The following RALGPS2 variants were observed in gnomAD, a reference collection of about 807,000 sequenced individuals.
The protein encoded by RALGPS2 is ras-specific guanine nucleotide-releasing factor RalGPS2.
RALGPS2 carries 43 observed loss-of-function variants against 86.8 expected under a neutral mutation model. That is an observed-to-expected ratio of 0.50 (90% CI 0.39 to 0.64). The LOEUF (loss-of-function observed/expected upper bound fraction) is 0.64. RALGPS2 is among the 30% of genes least tolerant of loss of function. RALGPS2 has a pLI of 0.00. For missense variants in RALGPS2, 536 were observed against 694.6 expected, an observed-to-expected ratio of 0.77 and a Z score of 2.57; for synonymous variants, 243 against 231.3, an observed-to-expected ratio of 1.05 and a Z score of -0.46.
In RALGPS2 at chr1:178,856,249, T is replaced by G. The variant is rs987073506; in HGVS notation, c.608-21249T>G. ...TATATATATATGGTTTTGGGTTTTG[T>G]TTTTTTTGGAGCCTGTTTCCCAGGC... On this transcript the variant is annotated intron_variant, in intron 8 of 19. Transcript: ENST00000367635. Among the ~76,000 whole-genome samples, 182 of 136,004 alleles carry G rather than the reference T, an allele frequency of 1.3e-3. 5 individuals carry two copies. The highest frequency in any genetic ancestry group is 5.2e-3 in the African/African-American group (166 of 32,018). The allele number at this position is 136,004 out of a possible 152,430, so 89.2% of individuals were successfully genotyped here.
intron 11 of RALGPS2, among the ~76,000 whole-genome samples, 181 bp downstream of exon 11, chr1:178,883,714 G>T (rs1040184168): frequency 6.6e-6 from 1 of 152,058 alleles, no homozygotes; most frequent in Non-Finnish European, 1.5e-5. Flanking sequence ...GGCCGGGCAG[G>T]GTGGCTCACG....
chr1:178,748,422 T>C (rs2102037679), intron 1 of RALGPS2, among the ~76,000 whole-genome samples: 1 of 152,326 alleles, frequency 6.6e-6, no homozygotes, highest in African/African-American at 2.4e-5. Context: ...GCTTTATTTA[T>C]GATAGTCACA....
intron 19 of RALGPS2, among the ~76,000 whole-genome samples, chr1:178,913,707 A>G (rs921556721): frequency 6.6e-6 from 1 of 152,214 alleles, no homozygotes; most frequent in East Asian, 1.9e-4. Context: ...TAAGTTGGGT[A>G]TAGTCAATTG....
chr1:178,785,014 C>A (rs1653579966), intron 3 of RALGPS2, among the ~76,000 whole-genome samples: 1 of 151,976 alleles, frequency 6.6e-6, no homozygotes, highest in Admixed American at 6.6e-5. Flanking sequence ...TTAAACCATT[C>A]CTGCATTCCA....
At chr1:178,813,903 A>T (rs542771378) in intron 6 of RALGPS2, among the ~76,000 whole-genome samples, 1 of 152,316 alleles carries the variant, frequency 6.6e-6, no homozygotes, top group East Asian at 1.9e-4. Context: ...GGGTTCGATT[A>T]AATAACTGAT....
At chr1:178,752,430 G>C (rs1289495188) in intron 1 of RALGPS2, among the ~76,000 whole-genome samples, 2 of 151,774 alleles carry the variant, frequency 1.3e-5, no homozygotes, top group African/African-American at 4.9e-5. Context: ...TCCCAAAGTG[G>C]TGAGATACAG....
intron 1 of RALGPS2, among the ~76,000 whole-genome samples, chr1:178,731,084 A>G (rs1650319230): frequency 6.6e-6 from 1 of 152,016 alleles, no homozygotes; most frequent in Non-Finnish European, 1.5e-5. Context: ...TTTTGGTGAA[A>G]TGCATCCTTT....
intron 8 of RALGPS2, chr1:178,851,256 A>G (rs1308708459): frequency 6.2e-7 from 1 of 1,613,922 alleles, no homozygotes. Flanking sequence ...TACTCCATTT[A>G]GGTTAGAATG....
intron 1 of RALGPS2, among the ~76,000 whole-genome samples, chr1:178,755,215 A>G (rs981403328): frequency 4.0e-5 from 6 of 151,884 alleles, no homozygotes; most frequent in Non-Finnish European, 5.9e-5. Context: ...TTCATGGGGT[A>G]CATGTGTAGT....
Position 178,776,824 on chromosome 1 carries a change from A to G in RALGPS2, c.57+3A>G, listed in dbSNP as rs1653111270. The G allele has an allele frequency of 1.2e-6, 2 of 1,611,230 alleles. No individual in the cohort carries two copies. Among genetic ancestry groups the G allele is most frequent in the Admixed American group, 1.7e-5 (1 of 59,802 alleles). ...ATATTGCAGCTACTGCTTCTGAGGT[A>G]AGATATTTAAGAAGCTTGGGTGTAA... On this transcript the variant is annotated splice_donor_region_variant and intron_variant, in intron 2 of 19. Coordinates refer to ENST00000367635, the MANE Select transcript of RALGPS2 (RefSeq NM_152663.5).
chr1:178,728,433 GCAC>G (rs1650153432), intron 1 of RALGPS2, among the ~76,000 whole-genome samples: 1 of 142,944 alleles, frequency 7.0e-6, no homozygotes, highest in Non-Finnish European at 1.5e-5. Context: ...TGTAAAATAG[GCAC>G]ATAGTTTGGG....
intron 10 of RALGPS2, among the ~76,000 whole-genome samples, chr1:178,879,953 G>GT (rs996366697): frequency 5.7e-4 from 86 of 150,716 alleles, no homozygotes; most frequent in Middle Eastern, 3.4e-3. Context: ...AAACTGCTGG[G>GT]TTTTTTTTTA....
chr1:178,828,252 A>G (rs1395261037), intron 7 of RALGPS2, among the ~76,000 whole-genome samples: 4 of 152,250 alleles, frequency 2.6e-5, no homozygotes, highest in African/African-American at 9.6e-5. Flanking sequence ...CAATGAGGAT[A>G]CTTTCGGAGA....
chr1:178,836,056 A>G (rs894887829), intron 8 of RALGPS2, among the ~76,000 whole-genome samples: 1 of 152,160 alleles, frequency 6.6e-6, no homozygotes, highest in African/African-American at 2.4e-5. Context: ...ACATTTTTCC[A>G]CAGTGGAGAC....
At chr1:178,888,281 A>G (rs1381055633) in intron 13 of RALGPS2, among the ~76,000 whole-genome samples, 1 of 152,200 alleles carries the variant, frequency 6.6e-6, no homozygotes, top group East Asian at 1.9e-4. Context: ...ACAATATGAA[A>G]AAAAGAATAA....
chr1:178,760,180 G>A (rs1046459618), intron 1 of RALGPS2, among the ~76,000 whole-genome samples: 1 of 152,110 alleles, frequency 6.6e-6, no homozygotes, highest in Non-Finnish European at 1.5e-5. Context: ...TATGGTTGAT[G>A]GGTGGAGTAT....
At chr1:178,775,396 T>C (rs1653027807) in intron 1 of RALGPS2, among the ~76,000 whole-genome samples, 4 of 152,152 alleles carry the variant, frequency 2.6e-5, no homozygotes, top group Non-Finnish European at 5.9e-5. Flanking sequence ...TTAAAGTGAA[T>C]GTAGCATAGA....
At chr1:178,902,312 T>C in intron 18 of RALGPS2, 101 bp downstream of exon 18, 1 of 871,568 alleles carries the variant, frequency 1.1e-6, no homozygotes. Flanking sequence ...TATAATGTTT[T>C]ATGCATACAT....
At chr1:178,785,038 C>T (rs957136049) in intron 3 of RALGPS2, among the ~76,000 whole-genome samples, 13 of 151,918 alleles carry the variant, frequency 8.6e-5, no homozygotes, top group Non-Finnish European at 1.6e-4. Context: ...ATAAACTGTG[C>T]TTGGTCATAG....
Sources: gnomAD v4.1 joint callset for allele counts (sites outside exome capture counted in the v4.1 genomes callset) on GRCh38, gnomAD v4.1.1 for gene constraint, MANE v1.5 for transcripts, NCBI Gene and HGNC (gene_info 2026-07-23, HGNC 2026-07-21) for gene names.